TMTC2: variants seen among roughly 807,000 people sequenced by gnomAD.
TMTC2 encodes the protein protein O-mannosyl-transferase TMTC2.
Under a neutral mutation model 82.4 loss-of-function variants are expected in TMTC2, and 43 were observed. The observed-to-expected ratio is 0.52, with a 90% CI of 0.41 to 0.67. The LOEUF (loss-of-function observed/expected upper bound fraction) is 0.67. Ranked by LOEUF, TMTC2 falls within the 30% of genes least tolerant of loss-of-function variation. TMTC2 has a pLI of 0.00. For missense variants in TMTC2, 919 were observed against 1,012.4 expected (o/e 0.91, Z 1.25); for synonymous variants, 408 against 381.9 (o/e 1.07, Z -0.80).
At chr12:82,776,476 A>G (rs1204116142) in intron 1 of TMTC2, among the ~76,000 whole-genome samples, 4 of 152,082 alleles carry the variant, frequency 2.6e-5, no homozygotes, top group Admixed American at 6.6e-5. Flanking sequence ...AACAAGCTTT[A>G]AAAGGTATAC....
chr12:82,974,752 T>C (rs1878595722), intron 7 of TMTC2, among the ~76,000 whole-genome samples: 1 of 152,190 alleles, frequency 6.6e-6, no homozygotes, highest in Admixed American at 6.5e-5. Flanking sequence ...ATAGGTTTGA[T>C]GAAGCATGGA....
chr12:82,696,450 A>C (rs1172473378), intron 1 of TMTC2, among the ~76,000 whole-genome samples: 1 of 152,246 alleles, frequency 6.6e-6, no homozygotes, highest in Non-Finnish European at 1.5e-5. Flanking sequence ...AATGAATTTG[A>C]GATTTAATAA....
At chr12:83,052,486 C>T (rs1882387727) in intron 10 of TMTC2, among the ~76,000 whole-genome samples, 1 of 152,044 alleles carries the variant, frequency 6.6e-6, no homozygotes, top group Non-Finnish European at 1.5e-5. Context: ...AAAGACACCT[C>T]AATTTGTGTG....
At chr12:82,950,635 T>A (rs1182916595) in intron 4 of TMTC2, among the ~76,000 whole-genome samples, 2 of 152,216 alleles carry the variant, frequency 1.3e-5, no homozygotes, top group Non-Finnish European at 1.5e-5. Context: ...AATGGACTAA[T>A]ATGGAACATA....
chr12:83,106,923 A>T (rs903827995), intron 11 of TMTC2, among the ~76,000 whole-genome samples: 2 of 152,252 alleles, frequency 1.3e-5, no homozygotes, highest in Admixed American at 1.3e-4. Flanking sequence ...TAACTCCAGA[A>T]GGGGAATCTA....
chr12:82,707,492 G>A (rs915558124), intron 1 of TMTC2, among the ~76,000 whole-genome samples: 1 of 152,156 alleles, frequency 6.6e-6, no homozygotes, highest in Non-Finnish European at 1.5e-5. Flanking sequence ...CTCTAATGAG[G>A]CCATGAGGAC....
intron 3 of TMTC2, among the ~76,000 whole-genome samples, chr12:82,924,408 T>C (rs927959179): frequency 1.3e-5 from 2 of 152,216 alleles, no homozygotes; most frequent in African/African-American, 4.8e-5. Flanking sequence ...TTTTTTTGTG[T>C]TTATACAAAA....
chr12:83,032,147 A>C (rs949630962), intron 9 of TMTC2, among the ~76,000 whole-genome samples: 1 of 151,510 alleles, frequency 6.6e-6, no homozygotes, highest in African/African-American at 2.4e-5. Flanking sequence ...ATGTTATAAA[A>C]TAGGAGGTTT....
At chr12:82,697,809 C>T (rs1056554030) in intron 1 of TMTC2, among the ~76,000 whole-genome samples, 10 of 152,072 alleles carry the variant, frequency 6.6e-5, no homozygotes, top group African/African-American at 2.4e-4. Context: ...GGTGCTGATG[C>T]CTAAATGGAG....
intron 1 of TMTC2, among the ~76,000 whole-genome samples, chr12:82,744,093 C>T (rs11115376): frequency 0.35 from 53,375 of 151,902 alleles, 11,230 homozygotes; most frequent in East Asian, 0.65. Flanking sequence ...CGTAACAAAA[C>T]GAGACCCCAA....
At chr12:83,077,732 G>A (rs549379515) in intron 11 of TMTC2, among the ~76,000 whole-genome samples, 24 of 151,796 alleles carry the variant, frequency 1.6e-4, no homozygotes, top group Non-Finnish European at 3.1e-4. Flanking sequence ...ACGCCACCAC[G>A]CCCAGCTAAT....
intron 1 of TMTC2, 53 bp from the exon 2 acceptor site, chr12:82,856,957 T>C: frequency 6.6e-7 from 1 of 1,506,666 alleles, no homozygotes; most frequent in African/African-American, 1.4e-5. Flanking sequence ...TGTCATATTT[T>C]TTCTTTCTTT....
At chr12:82,839,139 T>C in intron 1 of TMTC2, among the ~76,000 whole-genome samples, 1 of 152,212 alleles carries the variant, frequency 6.6e-6, no homozygotes, top group East Asian at 1.9e-4. Flanking sequence ...TTGGAGTTCC[T>C]TTTTAAAGTG....
Position 82,965,649 on chromosome 12 carries a change from G to T in TMTC2, c.1774G>T (p.Asp592Tyr). The T allele has an allele frequency of 6.2e-7, 1 of 1,613,828 alleles. No homozygotes were observed. Among genetic ancestry groups the T allele is most frequent in the Non-Finnish European group, 8.5e-7 (1 of 1,179,786 alleles). The change falls in exon 6 of 12, where the codon GAT (aspartate) becomes TAT (tyrosine). Residue 592 changes from aspartate (D) to tyrosine (Y), a missense_variant. By Grantham distance (160) the Asp-to-Tyr change is radical. Transcript: ENST00000321196. ...ATTCTTAAAGTGTTCGGAGATCCCA[G>T]ATGAAAACCTAAAGGACCCTCATGC... ...RTFLKCSEIP[D>Y]ENLKDPHAHK...
intron 1 of TMTC2, among the ~76,000 whole-genome samples, chr12:82,718,781 T>C (rs994457205): frequency 6.6e-6 from 1 of 151,886 alleles, no homozygotes; most frequent in East Asian, 1.9e-4. Context: ...TAACTCCTCA[T>C]AGGAAAATGG....
rs143045578 is a variant in TMTC2, at chr12:83,013,214, T to A, written c.2071-17584T>A. Among the ~76,000 whole-genome samples, 61 of 152,298 alleles carry A rather than the reference T, an allele frequency of 4.0e-4. 1 individual carries two copies. The highest frequency in any genetic ancestry group is 1.4e-3 in the African/African-American group (59 of 41,600). On this transcript the variant is annotated intron_variant, in intron 8 of 11. Transcript: ENST00000321196. ...ATTTGGAAATGTGAGGATTTTTTAA[T>A]AATGATATTGTAGATATCCAAACAT...
intron 8 of TMTC2, among the ~76,000 whole-genome samples, chr12:83,022,682 A>G (rs1271668888): frequency 6.6e-6 from 1 of 152,070 alleles, no homozygotes; most frequent in Non-Finnish European, 1.5e-5. Context: ...TTAACAGTCT[A>G]CACTAGATGT....
At chr12:82,894,671 C>A (rs1873566882) in intron 2 of TMTC2, among the ~76,000 whole-genome samples, 1 of 152,298 alleles carries the variant, frequency 6.6e-6, no homozygotes, top group South Asian at 2.1e-4. Context: ...TTTTAGATGT[C>A]ACCTAAGTTT....
intron 4 of TMTC2, among the ~76,000 whole-genome samples, chr12:82,937,106 A>T (rs541771685): frequency 3.3e-5 from 5 of 152,188 alleles, no homozygotes; most frequent in Non-Finnish European, 5.9e-5. Context: ...ACACATTTAT[A>T]TTAGGGTTGA....
Sources: gnomAD v4.1 joint callset for allele counts (sites outside exome capture counted in the v4.1 genomes callset) on GRCh38, gnomAD v4.1.1 for gene constraint, MANE v1.5 for transcripts, NCBI Gene and HGNC (gene_info 2026-07-23, HGNC 2026-07-21) for gene names.